The following COPS4 variants were observed in gnomAD, a reference collection of about 807,000 sequenced individuals.
The protein encoded by COPS4 is COP9 signalosome subunit 4.
In COPS4, 8 loss-of-function variants were observed where a neutral mutation model predicts 55.1. The ratio of observed to expected loss-of-function variants is 0.15; its 90% confidence interval spans 0.09 to 0.26. The LOEUF (loss-of-function observed/expected upper bound fraction) is 0.26. Among genes scored for constraint, COPS4 ranks in the 10% least tolerant of loss-of-function variants. The probability of loss-of-function intolerance (pLI) is 1.00; values close to 1 mark genes in which losing one functional copy is unlikely to be tolerated. For missense variants in COPS4, 248 were observed against 484.0 expected (o/e 0.51, Z 4.58); for synonymous variants, 185 against 165.7 (o/e 1.12, Z -0.90).
intron 9 of COPS4, chr4:83,073,415 A>C (rs1035272116): frequency 7.1e-6 from 3 of 421,750 alleles, no homozygotes; most frequent in African/African-American, 6.1e-5. Context: ...ATATACCTCA[A>C]TTCCACCACT....
chr4:83,049,409 C>T, intron 3 of COPS4, 92 bp downstream of exon 3: 3 of 1,166,696 alleles, frequency 2.6e-6, no homozygotes, highest in Non-Finnish European at 3.5e-6. Context: ...AGATAATCAT[C>T]CAATTTCATT....
At chr4:83,062,535 T>C (rs529890657) in intron 6 of COPS4, among the ~76,000 whole-genome samples, 1 of 150,700 alleles carries the variant, frequency 6.6e-6, no homozygotes, top group Non-Finnish European at 1.5e-5. Context: ...CCTGCTTGTT[T>C]TTTTACTTTT....
chr4:83,070,516 A>G (rs965304573), intron 9 of COPS4, among the ~76,000 whole-genome samples: 1 of 152,098 alleles, frequency 6.6e-6, no homozygotes, highest in African/African-American at 2.4e-5. Flanking sequence ...GCTTTCTCCA[A>G]TACTCCTTAT....
rs757270208 is a variant in COPS4, at chr4:83,045,616, A to G, written c.75-10A>G. ...CCTCAGAACATTATTTTCATTTGGT[A>G]TTGTTGTAGGTATCGTCAGATCCTG... is the stretch of plus-strand genomic sequence containing the variant. On this transcript the variant is annotated splice_polypyrimidine_tract_variant and intron_variant, in intron 1 of 9. Coordinates refer to ENST00000264389, the MANE Select transcript of COPS4 (RefSeq NM_016129.3). 6.3e-7 allele frequency: 1 copy of G among 1,599,668 alleles called. No homozygotes were observed. Among genetic ancestry groups the G allele is most frequent in the African/African-American group, 1.3e-5 (1 of 74,750 alleles).
At chr4:83,071,737 G>T (rs1731436245) in intron 9 of COPS4, among the ~76,000 whole-genome samples, 1 of 151,558 alleles carries the variant, frequency 6.6e-6, no homozygotes, top group Non-Finnish European at 1.5e-5. Context: ...TTTGAGATGG[G>T]AGTCTTGCTC....
intron 6 of COPS4, among the ~76,000 whole-genome samples, chr4:83,061,045 T>TA (rs1429415952): frequency 1.4e-5 from 2 of 145,170 alleles, no homozygotes; most frequent in Admixed American, 6.9e-5. Context: ...AAAAAAAAAA[T>TA]AATAATAATA....
At chr4:83,053,808 C>T (rs1285563333) in intron 4 of COPS4, among the ~76,000 whole-genome samples, 2 of 114,168 alleles carry the variant, frequency 1.8e-5, no homozygotes, top group Non-Finnish European at 3.3e-5. Context: ...CCACTGCACT[C>T]CAGCCTGGGT....
At chr4:83,046,768 A>T (rs1560436374) in intron 2 of COPS4, among the ~76,000 whole-genome samples, 1 of 152,230 alleles carries the variant, frequency 6.6e-6, no homozygotes, top group Admixed American at 6.5e-5. Flanking sequence ...TACCTGTCAC[A>T]TAGGCTCCTT....
intron 7 of COPS4, 129 bp downstream of exon 7, chr4:83,063,375 G>A: frequency 1.6e-6 from 1 of 637,766 alleles, no homozygotes; most frequent in Non-Finnish European, 2.3e-6. Context: ...AAGAGGAATT[G>A]TTTTTATTTA....
intron 7 of COPS4, among the ~76,000 whole-genome samples, chr4:83,065,875 G>A (rs948542905): frequency 1.3e-5 from 2 of 152,192 alleles, no homozygotes; most frequent in Non-Finnish European, 2.9e-5. Flanking sequence ...AAGTTAATGG[G>A]CTGGTGCCGC....
chr4:83,045,371 G>A (rs1730680540), intron 1 of COPS4, among the ~76,000 whole-genome samples: 1 of 152,052 alleles, frequency 6.6e-6, no homozygotes, highest in Admixed American at 6.6e-5. Flanking sequence ...CTTGTGATGA[G>A]CTTGAAAACT....
chr4:83,064,503 A>G (rs1731247514), intron 7 of COPS4, among the ~76,000 whole-genome samples: 1 of 151,938 alleles, frequency 6.6e-6, no homozygotes, highest in Non-Finnish European at 1.5e-5. Context: ...TTAAACAATA[A>G]CTCCTTATTC....
chr4:83,057,694 G>T (rs1731050238), intron 6 of COPS4, among the ~76,000 whole-genome samples: 4 of 151,942 alleles, frequency 2.6e-5, no homozygotes, highest in Admixed American at 2.6e-4. Flanking sequence ...AGGCCGAGGC[G>T]GGTGGATCAC....
rs1730848875 is a variant in COPS4, at chr4:83,049,900, A to G, written c.326A>G (p.His109Arg). The G allele has an allele frequency of 1.2e-6, 2 of 1,607,826 alleles. No individual in the cohort carries two copies. The highest frequency in any genetic ancestry group is 1.7e-5 in the Admixed American group (1 of 58,814). Reference sequence around the variant, plus strand: ...TTCCAGGTTGCTTCCATAAGACAGCATCTTGCATCTATATATGAGAAAGAA... The same window carrying G: ...TTCCAGGTTGCTTCCATAAGACAGCGTCTTGCATCTATATATGAGAAAGAA... Reference protein sequence around the residue: ...FEEQVASIRQHLASIYEKEED... With the variant: ...FEEQVASIRQRLASIYEKEED... The change falls in exon 4 of 10, where the codon CAT becomes CGT. Residue 109 changes from histidine (H) to arginine (R), a missense_variant. Physicochemically the swap from His to Arg is conservative, Grantham distance 29. Transcript: ENST00000264389.
chr4:83,069,976 A>G (rs1003236939), intron 9 of COPS4, among the ~76,000 whole-genome samples: 2 of 152,040 alleles, frequency 1.3e-5, no homozygotes, highest in Non-Finnish European at 2.9e-5. Flanking sequence ...ATCAATATTT[A>G]CACATCCTCA....
intron 9 of COPS4, among the ~76,000 whole-genome samples, chr4:83,069,304 C>G (rs894875664): frequency 6.6e-6 from 1 of 152,204 alleles, no homozygotes; most frequent in Non-Finnish European, 1.5e-5. Flanking sequence ...ATATCTCACT[C>G]TGGCCATAAC....
At chr4:83,059,980 T>C (rs1368781332) in intron 6 of COPS4, among the ~76,000 whole-genome samples, 2 of 152,064 alleles carry the variant, frequency 1.3e-5, no homozygotes, top group African/African-American at 4.8e-5. Context: ...GGATTACAGG[T>C]GTGAGCCACC....
At chr4:83,042,423 T>A (rs920689439) in intron 1 of COPS4, among the ~76,000 whole-genome samples, 1 of 152,058 alleles carries the variant, frequency 6.6e-6, no homozygotes, top group African/African-American at 2.4e-5. Flanking sequence ...GAAAAAGTAA[T>A]CTCTGTTGTT....
At chr4:83,074,528 T>C (rs940635618) in intron 9 of COPS4, among the ~76,000 whole-genome samples, 1 of 150,262 alleles carries the variant, frequency 6.7e-6, no homozygotes, top group Non-Finnish European at 1.5e-5. Flanking sequence ...AGTGGTACGA[T>C]CTTGGCTCAC....
Sources: allele counts gnomAD v4.1 joint callset (sites outside exome capture counted in the v4.1 genomes callset), GRCh38; gene constraint gnomAD v4.1.1; transcripts MANE v1.5; gene names NCBI Gene and HGNC (gene_info 2026-07-23, HGNC 2026-07-21).